Variants in ITPRID2 observed in about 807,000 individuals in gnomAD.
ITPRID2 encodes ITPR interacting domain containing 2.
ITPRID2 carries 60 observed loss-of-function variants against 124.3 expected under a neutral mutation model. That is an observed-to-expected ratio of 0.48 (90% CI 0.39 to 0.60). The LOEUF is 0.60. Ranked by LOEUF, ITPRID2 falls within the 20% of genes least tolerant of loss-of-function variation. The probability of loss-of-function intolerance (pLI) is 0.00; values close to 1 mark genes in which losing one functional copy is unlikely to be tolerated. For missense variants in ITPRID2, 1,553 were observed against 1,512.2 expected, an observed-to-expected ratio of 1.03 and a Z score of -0.45; for synonymous variants, 521 against 542.9, an observed-to-expected ratio of 0.96 and a Z score of 0.56.
intron 16 of ITPRID2, among the ~76,000 whole-genome samples, chr2:181,926,866 T>C (rs1420695349): frequency 6.6e-6 from 1 of 152,192 alleles, no homozygotes; most frequent in Non-Finnish European, 1.5e-5. Context: ...GTGGTCCTAA[T>C]TCAGTATGTT....
Position 181,892,923 on chromosome 2 carries a change from G to C in ITPRID2, c.257+263G>C, listed in dbSNP as rs775604480. 138 of 561,306 alleles carry C rather than the reference G, an allele frequency of 2.5e-4. 1 individual carries two copies. In the Middle Eastern group the frequency reaches 7.0e-3, roughly 29 times the overall value. 34.8% of individuals were successfully genotyped at this position (561,306 alleles called of 1,614,324 possible). A position where few individuals can be genotyped will look rare whatever the true frequency, so the allele number is the denominator to read the frequency against. On this transcript the variant is annotated intron_variant, in intron 2 of 17. Transcript: ENST00000431877. The surrounding 1 kb of genome is among the most constrained non-coding windows in gnomAD (Gnocchi z 5.2). ...GTTAGCATCAGAGATCAGAAATCCA[G>C]AACAGATAATCATGCCATATTTGTT...
At chr2:181,918,131 A>C (rs1694215527) in intron 11 of ITPRID2, 1 of 193,848 alleles carries the variant, frequency 5.2e-6, no homozygotes, top group East Asian at 1.9e-4. Flanking sequence ...CTGTGAGAAC[A>C]CCTGAAGGCT....
chr2:181,904,011 G>A (rs937769027), intron 8 of ITPRID2, among the ~76,000 whole-genome samples: 1 of 151,972 alleles, frequency 6.6e-6, no homozygotes, highest in Admixed American at 6.6e-5. Context: ...TGATATTGGC[G>A]ACTCCGAGTG....
In ITPRID2 at chr2:181,928,270, A is replaced by C. The variant is rs1695010720; in HGVS notation, c.*5A>C. ...TCTAAGCAAGATTATCATTAAACAG[A>C]AATTATAGGTAAATTTTTCTGAGTT... On this transcript the variant is annotated 3_prime_UTR_variant, in exon 17 of 18. Transcript: ENST00000431877. 1 of 1,515,632 alleles carries C rather than the reference A, an allele frequency of 6.6e-7. No homozygotes were observed. The allele number at this position is 1,515,632 out of a possible 1,614,324, so 93.9% of individuals were successfully genotyped here. A position where few individuals can be genotyped will look rare whatever the true frequency, so the allele number is the denominator to read the frequency against.
Position 181,915,289 on chromosome 2 carries a change from G to A in ITPRID2, c.1649G>A (p.Gly550Asp). The part of the protein sequence containing the change: ...CDSETTVTSL[G>D]EDLATPTAQD... ...AGTGAGACAACAGTTACGTCACTTG[G>A]TGAAGACCTTGCCACACCAACAGCA... Residue 550 changes from glycine to aspartate, a missense_variant, in exon 11 of 18, where the codon GGT becomes GAT. Gly to Asp is a moderately conservative substitution (Grantham distance 94). Coordinates refer to ENST00000431877, the MANE Select transcript of ITPRID2 (RefSeq NM_001130445.3). The A allele has an allele frequency of 1.9e-6, 3 of 1,614,176 alleles. No homozygotes were observed. Among genetic ancestry groups the A allele is most frequent in the Non-Finnish European group, 2.5e-6 (3 of 1,180,032 alleles).
At position 181,892,468 on chromosome 2, in the gene ITPRID2, A is replaced by G; in HGVS notation, c.212-147A>G. The G allele has an allele frequency of 2.5e-6, 3 of 1,196,850 alleles. No individual in the cohort carries two copies. The highest frequency in any genetic ancestry group is 2.4e-6 in the Non-Finnish European group (2 of 834,084). The allele number at this position is 1,196,850 out of a possible 1,614,324, so 74.1% of individuals were successfully genotyped here. A position where few individuals can be genotyped will look rare whatever the true frequency, so the allele number is the denominator to read the frequency against. Reference sequence around the variant, plus strand: ...GCGTCAACACAGACAACTGGGTGCCATCCGATTTCCCTGCCAAGGGACACT... The same window carrying G: ...GCGTCAACACAGACAACTGGGTGCCGTCCGATTTCCCTGCCAAGGGACACT... On this transcript the variant is annotated intron_variant, in intron 1 of 17. Transcript: ENST00000431877. This position sits in a 1 kb window ranked among gnomAD's most constrained non-coding sequence, Gnocchi z 5.2.
rs546388324 is a variant in ITPRID2, at chr2:181,905,621, TTC to T, written c.1413+3157_1413+3158del. 2.3e-3 allele frequency among the ~76,000 whole-genome samples: 343 copies of T among 152,344 alleles called. 3 individuals carry two copies. The highest frequency in any genetic ancestry group is 7.7e-3 in the African/African-American group (322 of 41,590). On this transcript the variant is annotated intron_variant, in intron 8 of 17. Coordinates refer to ENST00000431877, the MANE Select transcript of ITPRID2 (RefSeq NM_001130445.3). The surrounding 1 kb of genome is among the most constrained non-coding windows in gnomAD (Gnocchi z 4.1). ...TCTGTAAGAAGTTGACTGTGTGGTC[TTC>T]TTGACCTTTAAATGAATTTTTATTT...
At chr2:181,906,200 C>T (rs1455080291) in intron 8 of ITPRID2, among the ~76,000 whole-genome samples, 1 of 152,140 alleles carries the variant, frequency 6.6e-6, no homozygotes, top group Non-Finnish European at 1.5e-5. Flanking sequence ...AGCATCCCCT[C>T]CCTCATTTGA....
In ITPRID2 at chr2:181,930,404, C is replaced by T. The variant is rs201943186; in HGVS notation, c.*857C>T. 1.3e-5 allele frequency: 2 copies of T among 152,412 alleles called. No homozygotes were observed. The highest frequency in any genetic ancestry group is 4.1e-4 in the South Asian group (2 of 4,828). 9.4% of individuals were successfully genotyped at this position (152,412 alleles called of 1,614,324 possible). A position where few individuals can be genotyped will look rare whatever the true frequency, so the allele number is the denominator to read the frequency against. ...ATGGAAGTAATTTAGATTTGTTCTC[C>T]TCATACATAAAATGATTTTAGTTCA... On this transcript the variant is annotated 3_prime_UTR_variant, in exon 18 of 18. Coordinates refer to ENST00000431877, the MANE Select transcript of ITPRID2 (RefSeq NM_001130445.3).
At position 181,909,907 on chromosome 2, in the gene ITPRID2, T is replaced by A; in HGVS notation, c.1422T>A (p.Ser474Arg). ...TTAAAACTCTTCTTAAGGTTCAAAG[T>A]ACGGAGGGAGAAGCTCCTCATGTTC... is the stretch of plus-strand genomic sequence containing the variant. ...KDSFEMEEVQ[S>R]TEGEAPHVPA... Residue 474 changes from serine (S) to arginine (R), a missense_variant, in exon 9 of 18, where the codon AGT becomes AGA. By Grantham distance (110) the Ser-to-Arg change is moderately radical. Transcript: ENST00000431877. 6.2e-7 allele frequency: 1 copy of A among 1,613,208 alleles called. No homozygotes were observed. Among genetic ancestry groups the A allele is most frequent in the South Asian group, 1.1e-5 (1 of 91,046 alleles).
At chr2:181,925,437 T>C (rs75218555) in intron 16 of ITPRID2, among the ~76,000 whole-genome samples, 1 of 152,164 alleles carries the variant, frequency 6.6e-6, no homozygotes, top group South Asian at 2.1e-4. Context: ...CATGGGAGAC[T>C]TTAGAACTAA....
chr2:181,903,024 G>A (rs1692807641), intron 8 of ITPRID2, among the ~76,000 whole-genome samples: 1 of 152,140 alleles, frequency 6.6e-6, no homozygotes, highest in South Asian at 2.1e-4. Flanking sequence ...CCACTGAATA[G>A]GGTTTCTGCA....
chr2:181,918,339 T>C, intron 11 of ITPRID2: 2 of 1,209,208 alleles, frequency 1.7e-6, no homozygotes, highest in Non-Finnish European at 1.0e-6. Context: ...AAGAGGGAAG[T>C]CCTGAAAGAA....
intron 9 of ITPRID2, 78 bp from the exon 10 acceptor site, chr2:181,913,767 G>T: frequency 1.1e-6 from 1 of 928,880 alleles, no homozygotes. Flanking sequence ...TAGTAATATT[G>T]CTCTCAGTAA....
rs772372597 is a variant in ITPRID2, at chr2:181,915,592, A to G, written c.1952A>G (p.Glu651Gly). ...GAAAGTGATGTGGGTAAAAGCAGTG[A>G]AAGTGAATTTACTCAGTATACCACA... ...SAESDVGKSSESEFTQYTTHH... is the reference protein window; with the variant it reads ...SAESDVGKSSGSEFTQYTTHH... The change falls in exon 11 of 18, where the codon GAA becomes GGA. Residue 651 changes from glutamate (E) to glycine (G), a missense_variant. By Grantham distance (98) the Glu-to-Gly change is moderately conservative (BLOSUM62 -2). Transcript: ENST00000431877. 12 of 1,614,252 alleles carry G rather than the reference A, an allele frequency of 7.4e-6. 1 individual carries two copies. In the South Asian group the frequency reaches 1.3e-4, roughly 18 times the overall value.
chr2:181,927,023 G>A (rs1694918073), intron 16 of ITPRID2, among the ~76,000 whole-genome samples: 1 of 152,184 alleles, frequency 6.6e-6, no homozygotes, highest in Admixed American at 6.5e-5. Context: ...TTGATAAAAG[G>A]TAAAGTGAAA....
In ITPRID2 at chr2:181,902,353, G is replaced by A; in HGVS notation, c.1300G>A (p.Glu434Lys). 6.2e-7 allele frequency: 1 copy of A among 1,613,920 alleles called. No individual in the cohort carries two copies. The highest frequency in any genetic ancestry group is 8.5e-7 in the Non-Finnish European group (1 of 1,179,890). The change falls in exon 8 of 18, where the codon GAG becomes AAG. Residue 434 changes from glutamate to lysine, a missense_variant. Transcript: ENST00000431877. The surrounding 1 kb of genome is among the most constrained non-coding windows in gnomAD (Gnocchi z 4.4). Reference sequence around the variant, plus strand: ...CCACAGTGAGCTGGAAAATAGCAGTGAGCTGAAAAGTGTCCATATATCCAC... The same window carrying A: ...CCACAGTGAGCTGGAAAATAGCAGTAAGCTGAAAAGTGTCCATATATCCAC... ...SSHSELENSS[E>K]LKSVHISTPE...
At chr2:181,903,681 CT>C (rs1692861796) in intron 8 of ITPRID2, among the ~76,000 whole-genome samples, 1 of 151,988 alleles carries the variant, frequency 6.6e-6, no homozygotes, top group African/African-American at 2.4e-5. Flanking sequence ...ACATTTTGAG[CT>C]TTTTTTCTTT....
At chr2:181,914,915 T>C (rs1422892381) in intron 10 of ITPRID2, among the ~76,000 whole-genome samples, 1 of 152,084 alleles carries the variant, frequency 6.6e-6, no homozygotes, top group African/African-American at 2.4e-5. Context: ...TGGGGAAGAA[T>C]GTTAGGAAGT....
Sources: gnomAD v4.1 joint callset for allele counts (sites outside exome capture counted in the v4.1 genomes callset) on GRCh38, gnomAD v4.1.1 for gene constraint, Gnocchi (gnomAD v3.1) non-coding constraint, MANE v1.5 for transcripts, NCBI Gene and HGNC (gene_info 2026-07-23, HGNC 2026-07-21) for gene names.